The following ESR1 variants were observed in gnomAD, a reference collection of about 807,000 sequenced individuals.
ESR1 encodes the protein estrogen receptor 1.
Under a neutral mutation model 52.7 loss-of-function variants are expected in ESR1, and 12 were observed. The ratio of observed to expected loss-of-function variants is 0.23; its 90% CI spans 0.15 to 0.37. The LOEUF (loss-of-function observed/expected upper bound fraction) is 0.37, where lower values mean the gene tolerates loss of function less well. ESR1 is among the 10% of genes least tolerant of loss of function. ESR1 has a pLI of 1.00. For synonymous variants in ESR1, 305 were observed against 316.8 expected, an observed-to-expected ratio of 0.96 and a Z score of 0.39; for missense variants, 584 against 779.7, an observed-to-expected ratio of 0.75 and a Z score of 2.99.
chr6:152,039,175 G>A (rs2045580035), intron 5 of ESR1, among the ~76,000 whole-genome samples: 1 of 152,134 alleles, frequency 6.6e-6, no homozygotes, highest in Non-Finnish European at 1.5e-5. Flanking sequence ...AAGTACCTCA[G>A]CAGGTCATGG....
chr6:152,039,246 C>A (rs2045584205), intron 5 of ESR1, among the ~76,000 whole-genome samples: 1 of 152,112 alleles, frequency 6.6e-6, no homozygotes, highest in Non-Finnish European at 1.5e-5. Flanking sequence ...CATTTGTAGT[C>A]CTGCCTGGAT....
intron 5 of ESR1, among the ~76,000 whole-genome samples, chr6:152,018,683 A>G (rs2043361842): frequency 6.6e-6 from 1 of 152,144 alleles, no homozygotes; most frequent in Admixed American, 6.5e-5. Flanking sequence ...CTTCAGGAAT[A>G]CTGTCAGCTT....
Position 152,062,570 on chromosome 6 carries a change from C to T in ESR1, c.1369+1446C>T, listed in dbSNP as rs140376181. The stretch of plus-strand genomic sequence containing the variant: ...CGTGCATTGTGCTTTTCATTTCAGT[C>T]GTTTGTCCTGTACATTGTAGGGTCC... On this transcript the variant is annotated intron_variant, in intron 6 of 7. Coordinates refer to ENST00000206249, the MANE Select transcript of ESR1 (RefSeq NM_000125.4). 3.0e-4 allele frequency among the ~76,000 whole-genome samples: 46 copies of T among 152,266 alleles called. No individual in the cohort carries two copies. In the South Asian group the frequency reaches 8.3e-3, roughly 28 times the overall value.
intron 4 of ESR1, among the ~76,000 whole-genome samples, chr6:151,969,129 T>C (rs9371569): frequency 6.6e-6 from 1 of 152,290 alleles, no homozygotes; most frequent in East Asian, 1.9e-4. Context: ...GTGCTTTGCA[T>C]TGGTGAACTT....
At chr6:151,967,150 A>G (rs1043649235) in intron 4 of ESR1, among the ~76,000 whole-genome samples, 1 of 152,156 alleles carries the variant, frequency 6.6e-6, no homozygotes, top group Non-Finnish European at 1.5e-5. Flanking sequence ...AGGATGGAAA[A>G]GAACATTTTA....
chr6:151,791,566 C>T (rs1776160688), intron 2 of ESR1, among the ~76,000 whole-genome samples: 1 of 152,128 alleles, frequency 6.6e-6, no homozygotes, highest in African/African-American at 2.4e-5. Flanking sequence ...TACAGAGTTT[C>T]TGAAGGTCAT....
intron 2 of ESR1, among the ~76,000 whole-genome samples, chr6:151,735,922 G>A (rs1782618911): frequency 6.6e-6 from 1 of 152,116 alleles, no homozygotes; most frequent in Non-Finnish European, 1.5e-5. Context: ...GTTTTTATAA[G>A]TGTTTGACCA....
At chr6:151,749,241 AG>A (rs1783722234) in intron 2 of ESR1, among the ~76,000 whole-genome samples, 3 of 151,332 alleles carry the variant, frequency 2.0e-5, no homozygotes, top group South Asian at 2.1e-4. Context: ...TGGACATGAG[AG>A]TAAGGAGAGT....
At chr6:152,017,848 C>G (rs541964536) in intron 5 of ESR1, among the ~76,000 whole-genome samples, 3 of 152,036 alleles carry the variant, frequency 2.0e-5, no homozygotes, top group African/African-American at 7.2e-5. Flanking sequence ...GTTTTACTGG[C>G]GCCTTCCATG....
intron 1 of ESR1, among the ~76,000 whole-genome samples, chr6:151,832,242 A>G (rs1190503846): frequency 3.9e-5 from 6 of 152,210 alleles, no homozygotes; most frequent in Non-Finnish European, 5.9e-5. Flanking sequence ...CATAGCTACC[A>G]CATGGTTAGG....
chr6:151,937,226 CT>C (rs890986705), intron 3 of ESR1, among the ~76,000 whole-genome samples: 3 of 152,112 alleles, frequency 2.0e-5, no homozygotes, highest in Non-Finnish European at 4.4e-5. Context: ...AATTCTTCCC[CT>C]AATCCCAATA....
intron 5 of ESR1, among the ~76,000 whole-genome samples, chr6:152,028,479 G>A (rs927283096): frequency 5.3e-5 from 8 of 152,136 alleles, no homozygotes; most frequent in African/African-American, 1.9e-4. Flanking sequence ...CTTAGCAAAC[G>A]GCACACCAGG....
intron 4 of ESR1, among the ~76,000 whole-genome samples, chr6:151,967,571 A>T (rs1408419677): frequency 6.6e-6 from 1 of 152,062 alleles, no homozygotes; most frequent in East Asian, 1.9e-4. Flanking sequence ...CATTTTCTTT[A>T]TCCAGTCTGT....
chr6:151,814,833 T>G (rs1270093032), intron 1 of ESR1, among the ~76,000 whole-genome samples: 1 of 152,214 alleles, frequency 6.6e-6, no homozygotes, highest in African/African-American at 2.4e-5. Context: ...CTGGGAAGTC[T>G]TATAGCATGA....
At chr6:151,906,025 C>T (rs1198719723) in intron 3 of ESR1, among the ~76,000 whole-genome samples, 43 of 152,252 alleles carry the variant, frequency 2.8e-4, no homozygotes, top group Non-Finnish European at 2.6e-4. Context: ...TCTGAGTTTT[C>T]ACTCATGCAA....
chr6:151,861,231 G>A (rs755483438), intron 2 of ESR1, among the ~76,000 whole-genome samples: 3 of 151,930 alleles, frequency 2.0e-5, no homozygotes, highest in Non-Finnish European at 4.4e-5. Context: ...CGAAGAATGG[G>A]GCCCTGCTTC....
chr6:151,937,712 T>A (rs886816260), intron 3 of ESR1, among the ~76,000 whole-genome samples: 1 of 152,186 alleles, frequency 6.6e-6, no homozygotes, highest in African/African-American at 2.4e-5. Flanking sequence ...AATAATAATC[T>A]ATAATTACAT....
At chr6:151,879,333 G>C (rs1197258659) in intron 2 of ESR1, among the ~76,000 whole-genome samples, 1 of 152,086 alleles carries the variant, frequency 6.6e-6, no homozygotes, top group East Asian at 1.9e-4. Context: ...GGTAATCCTA[G>C]GGAAGTTGCT....
intron 3 of ESR1, among the ~76,000 whole-genome samples, chr6:151,909,295 G>A (rs1215861055): frequency 6.6e-6 from 1 of 152,210 alleles, no homozygotes; most frequent in Non-Finnish European, 1.5e-5. Context: ...GAGTAGAGAT[G>A]TTTTAGTGAA....
Sources: allele counts gnomAD v4.1 joint callset (sites outside exome capture counted in the v4.1 genomes callset), GRCh38; gene constraint gnomAD v4.1.1; transcripts MANE v1.5; gene names NCBI Gene and HGNC (gene_info 2026-07-23, HGNC 2026-07-21).